Variants in VPS13B observed in about 807,000 individuals in gnomAD.
VPS13B encodes the protein intermembrane lipid transfer protein VPS13B.
A neutral mutation model predicts 426.4 loss-of-function variants in VPS13B; 285 were observed. The ratio of observed to expected loss-of-function variants is 0.67; its 90% confidence interval spans 0.61 to 0.74. VPS13B has a LOEUF of 0.74. VPS13B is among the 30% of genes least tolerant of loss of function. The pLI, the probability that VPS13B is intolerant of heterozygous loss-of-function variation, is 0.00. For synonymous variants in VPS13B, 1,676 were observed against 1,676.4 expected, an observed-to-expected ratio of 1.00 and a Z score of 0.01; for missense variants, 4,537 against 4,782.6, an observed-to-expected ratio of 0.95 and a Z score of 1.51.
At chr8:99,037,217 T>C (rs1842784087) in intron 2 of VPS13B, among the ~76,000 whole-genome samples, 3 of 152,030 alleles carry the variant, frequency 2.0e-5, no homozygotes, top group South Asian at 4.2e-4. Context: ...CTAAAAATTG[T>C]AACATTCCAT....
intron 33 of VPS13B, among the ~76,000 whole-genome samples, chr8:99,580,111 C>A (rs1021207399): frequency 6.6e-6 from 1 of 151,644 alleles, no homozygotes; most frequent in African/African-American, 2.4e-5. Context: ...ATAATATAAT[C>A]CTGATATTAT....
At chr8:99,158,943 A>G (rs887695242) in intron 15 of VPS13B, among the ~76,000 whole-genome samples, 3 of 152,218 alleles carry the variant, frequency 2.0e-5, no homozygotes, top group Non-Finnish European at 4.4e-5. Flanking sequence ...GCTACCATAG[A>G]TAGCCATTCT....
At chr8:99,252,823 T>A (rs1324428609) in intron 17 of VPS13B, among the ~76,000 whole-genome samples, 1 of 152,080 alleles carries the variant, frequency 6.6e-6, no homozygotes, top group Non-Finnish European at 1.5e-5. Flanking sequence ...TAAAAAAAAA[T>A]TGAGATAAAA....
At chr8:99,871,813 C>T in intron 61 of VPS13B, 116 bp downstream of exon 61, 1 of 1,560,438 alleles carries the variant, frequency 6.4e-7, no homozygotes, top group Non-Finnish European at 8.7e-7. Context: ...CTGCTGGAGA[C>T]CAAGGAGAGC....
At chr8:99,181,888 C>T (rs2132696815) in intron 16 of VPS13B, among the ~76,000 whole-genome samples, 2 of 152,062 alleles carry the variant, frequency 1.3e-5, no homozygotes, top group African/African-American at 4.8e-5. Context: ...ATGCACAAAA[C>T]ATCTGAAAAA....
intron 25 of VPS13B, among the ~76,000 whole-genome samples, chr8:99,497,530 A>G (rs1354683442): frequency 6.6e-6 from 1 of 151,842 alleles, no homozygotes; most frequent in Non-Finnish European, 1.5e-5. Flanking sequence ...AAGAATTAAA[A>G]TTGCTTTATT....
chr8:99,086,732 T>C (rs1027345927), intron 3 of VPS13B, among the ~76,000 whole-genome samples: 2 of 152,240 alleles, frequency 1.3e-5, no homozygotes, highest in African/African-American at 4.8e-5. Flanking sequence ...CTCCAGACCC[T>C]GTTTGCCTGG....
intron 19 of VPS13B, among the ~76,000 whole-genome samples, chr8:99,279,004 A>G (rs544866508): frequency 6.6e-6 from 1 of 152,258 alleles, no homozygotes; most frequent in East Asian, 1.9e-4. Flanking sequence ...CAGGTCACAT[A>G]GAGAAATAGA....
intron 19 of VPS13B, among the ~76,000 whole-genome samples, chr8:99,276,978 G>T (rs1483577364): frequency 6.6e-6 from 1 of 151,886 alleles, no homozygotes; most frequent in Non-Finnish European, 1.5e-5. Context: ...TAAATAATCT[G>T]TTCTTCAACA....
At chr8:99,511,636 A>G (rs1475183199) in intron 29 of VPS13B, 124 bp downstream of exon 29, 12 of 960,028 alleles carry the variant, frequency 1.2e-5, no homozygotes, top group African/African-American at 1.0e-4. Context: ...GGTTTGGTAT[A>G]TTTTATAGAG....
chr8:99,037,305 C>G (rs1038977837), intron 2 of VPS13B, among the ~76,000 whole-genome samples: 2 of 151,680 alleles, frequency 1.3e-5, no homozygotes, highest in Non-Finnish European at 2.9e-5. Flanking sequence ...AAATTAGGCC[C>G]ACACTTTTGT....
At chr8:99,176,317 A>C (rs888439126) in intron 16 of VPS13B, among the ~76,000 whole-genome samples, 5 of 152,018 alleles carry the variant, frequency 3.3e-5, no homozygotes, top group African/African-American at 1.2e-4. Context: ...TTGTATTTTT[A>C]GTAGGGACGA....
rs564806069 is a variant in VPS13B at position 99,102,870 on chromosome 8, A to G, written c.413-83A>G. 20 of 1,308,156 alleles carry G rather than the reference A, an allele frequency of 1.5e-5. No individual in the cohort carries two copies. The East Asian group carries it at 3.8e-4, about 25-fold the overall frequency. 81.0% of individuals were successfully genotyped at this position (1,308,156 alleles called of 1,614,324 possible). A position where few individuals can be genotyped will look rare whatever the true frequency, so the allele number is the denominator to read the frequency against. On this transcript the variant is annotated intron_variant, in intron 4 of 61. Coordinates refer to ENST00000357162, the MANE Select transcript of VPS13B (RefSeq NM_152564.5). ...GCTAAATAATAACCACCTTTCTCAT[A>G]CATTAAGTTCAATAACACTTTAAGA...
At chr8:99,474,377 A>G (rs1224912028) in intron 24 of VPS13B, among the ~76,000 whole-genome samples, 2 of 151,766 alleles carry the variant, frequency 1.3e-5, no homozygotes. Context: ...TTGTAGAGAC[A>G]GGGTTTCACC....
rs1459664124 is a variant in VPS13B, at chr8:99,721,060, C to T, written c.7050+13C>T. On this transcript the variant is annotated intron_variant, in intron 39 of 61. Coordinates refer to ENST00000357162, the MANE Select transcript of VPS13B (RefSeq NM_152564.5). ...TGATGTGCTACAGGTATGTAATGAC[C>T]ATTCATTGTAAAATGAAAACATTGT... 4 of 1,613,196 alleles carry T rather than the reference C, an allele frequency of 2.5e-6. No homozygotes were observed. Among genetic ancestry groups the T allele is most frequent in the Middle Eastern group, 3.3e-4 (2 of 6,080 alleles).
chr8:99,621,055 A>C (rs1025133681), intron 33 of VPS13B, among the ~76,000 whole-genome samples: 1 of 151,354 alleles, frequency 6.6e-6, no homozygotes, highest in Admixed American at 6.6e-5. Context: ...AAACTAGAGG[A>C]TCTTCATAAA....
At chr8:99,137,542 A>G (rs1241539543) in intron 12 of VPS13B, among the ~76,000 whole-genome samples, 1 of 152,150 alleles carries the variant, frequency 6.6e-6, no homozygotes, top group African/African-American at 2.4e-5. Context: ...AAAAAAAAAA[A>G]AAAATGACAA....
Position 99,296,402 on chromosome 8 carries a change from T to C in VPS13B, c.2824+21148T>C, listed in dbSNP as rs151273675. Among the ~76,000 whole-genome samples the C allele has an allele frequency of 2.6e-4, 39 of 152,292 alleles. No individual in the cohort carries two copies. In the East Asian group the frequency reaches 5.8e-3, roughly 23 times the overall value. On this transcript the variant is annotated intron_variant, in intron 19 of 61. Coordinates refer to ENST00000357162, the MANE Select transcript of VPS13B (RefSeq NM_152564.5). ...TTTGGAAGTACTACATATTTATATA[T>C]AGGTAGGACATATGCTAGATTCTTA... is the stretch of plus-strand genomic sequence containing the variant.
At chr8:99,640,397 G>T (rs1485406001) in intron 33 of VPS13B, among the ~76,000 whole-genome samples, 1 of 151,858 alleles carries the variant, frequency 6.6e-6, no homozygotes, top group African/African-American at 2.4e-5. Context: ...TTCCTAAGTA[G>T]CTGGGACCAC....
Sources: allele counts gnomAD v4.1 joint callset (sites outside exome capture counted in the v4.1 genomes callset), GRCh38; gene constraint gnomAD v4.1.1; transcripts MANE v1.5; gene names NCBI Gene and HGNC (gene_info 2026-07-23, HGNC 2026-07-21).